Variants in ZFAND3 observed in about 807,000 individuals in gnomAD.
The protein encoded by ZFAND3 is zinc finger AN1-type containing 3, also known as AN1-type zinc finger protein 3.
Under a neutral mutation model 29.6 loss-of-function variants are expected in ZFAND3, and 10 were observed. The observed-to-expected ratio is 0.34, with a 90% CI of 0.21 to 0.57. ZFAND3 has a LOEUF of 0.57. Ranked by LOEUF, ZFAND3 falls within the 20% of genes least tolerant of loss-of-function variation. The pLI, the probability that ZFAND3 is intolerant of heterozygous loss-of-function variation, is 0.86. For missense variants in ZFAND3, 230 were observed against 304.5 expected (o/e 0.76, Z 1.82); for synonymous variants, 128 against 112.6 (o/e 1.14, Z -0.87).
chr6:37,946,823 A>G (rs1248002291), intron 2 of ZFAND3, among the ~76,000 whole-genome samples: 4 of 152,168 alleles, frequency 2.6e-5, no homozygotes, highest in Admixed American at 2.0e-4. Flanking sequence ...TGACGTACCT[A>G]CAGTAGTCAT....
Position 37,955,230 on chromosome 6 carries a change from C to T in ZFAND3, c.112+25231C>T, listed in dbSNP as rs185349239. Among the ~76,000 whole-genome samples the T allele has an allele frequency of 1.7e-3, 258 of 152,110 alleles. 2 individuals are homozygous for T. Among genetic ancestry groups the T allele is most frequent in the Non-Finnish European group, 9.6e-4 (65 of 67,996 alleles). On this transcript the variant is annotated intron_variant, in intron 2 of 5. Coordinates refer to ENST00000287218, the MANE Select transcript of ZFAND3 (RefSeq NM_021943.3). ...TTGAAAACCGTTTGATACATTTTGGCAGTCTATTGGTTGTTTAAGACAGGA... is the reference window on the plus strand; with the variant it reads ...TTGAAAACCGTTTGATACATTTTGGTAGTCTATTGGTTGTTTAAGACAGGA...
intron 1 of ZFAND3, among the ~76,000 whole-genome samples, chr6:37,865,655 G>T (rs1273191032): frequency 6.6e-6 from 1 of 152,178 alleles, no homozygotes; most frequent in East Asian, 1.9e-4. Context: ...TGAACAGTTT[G>T]GGTGGACAAA....
chr6:37,892,416 T>C (rs1476625798), intron 1 of ZFAND3, among the ~76,000 whole-genome samples: 1 of 152,100 alleles, frequency 6.6e-6, no homozygotes, highest in East Asian at 1.9e-4. Flanking sequence ...AGCAACATAG[T>C]GAGATGCTCT....
At chr6:38,117,445 A>T (rs538471583) in intron 5 of ZFAND3, among the ~76,000 whole-genome samples, 37 of 152,230 alleles carry the variant, frequency 2.4e-4, no homozygotes, top group African/African-American at 7.5e-4. Flanking sequence ...CCACAGTGGA[A>T]TGAAACTTAA....
chr6:37,913,479 T>C (rs1343028642), intron 1 of ZFAND3, among the ~76,000 whole-genome samples: 1 of 152,204 alleles, frequency 6.6e-6, no homozygotes, highest in African/African-American at 2.4e-5. Flanking sequence ...ATTCTAGTTC[T>C]CTTGCTGTTT....
chr6:37,904,871 A>G (rs1025489218), intron 1 of ZFAND3, among the ~76,000 whole-genome samples: 5 of 152,132 alleles, frequency 3.3e-5, no homozygotes, highest in African/African-American at 9.7e-5. Context: ...TTATTTAAAA[A>G]CTATTTGGGG....
intron 2 of ZFAND3, among the ~76,000 whole-genome samples, chr6:37,949,124 T>A (rs1761952015): frequency 6.6e-6 from 1 of 152,200 alleles, no homozygotes; most frequent in African/African-American, 2.4e-5. Context: ...CACCAGCATC[T>A]GCTGTTTTTT....
At chr6:38,023,575 C>G (rs1302603478) in intron 2 of ZFAND3, among the ~76,000 whole-genome samples, 1 of 151,988 alleles carries the variant, frequency 6.6e-6, no homozygotes, top group Non-Finnish European at 1.5e-5. Flanking sequence ...TCTAGAATGT[C>G]CTGCCTCTAA....
intron 1 of ZFAND3, among the ~76,000 whole-genome samples, chr6:37,859,257 A>T (rs1439846567): frequency 1.3e-5 from 2 of 152,250 alleles, no homozygotes; most frequent in East Asian, 3.8e-4. Flanking sequence ...TTAGCTGAAC[A>T]GAGAAAATTT....
intron 1 of ZFAND3, among the ~76,000 whole-genome samples, chr6:37,889,989 T>C (rs1765063715): frequency 6.6e-6 from 1 of 152,178 alleles, no homozygotes; most frequent in South Asian, 2.1e-4. Context: ...TGACATTTCA[T>C]TTGAGCAACT....
chr6:37,951,989 A>T (rs1222996197), intron 2 of ZFAND3, among the ~76,000 whole-genome samples: 1 of 152,158 alleles, frequency 6.6e-6, no homozygotes, highest in South Asian at 2.1e-4. Context: ...AGTTCTGTTA[A>T]TGTGATAAAT....
chr6:38,057,444 C>T (rs762596606), intron 2 of ZFAND3, among the ~76,000 whole-genome samples: 2 of 152,090 alleles, frequency 1.3e-5, no homozygotes, highest in Non-Finnish European at 1.5e-5. Context: ...TACTTAGTGC[C>T]CCTTTCTTTA....
intron 1 of ZFAND3, among the ~76,000 whole-genome samples, chr6:37,855,917 C>T (rs1242472355): frequency 2.0e-5 from 3 of 152,014 alleles, no homozygotes; most frequent in Non-Finnish European, 2.9e-5. Flanking sequence ...TGAATGCTGA[C>T]GTTGCATACA....
chr6:37,847,663 C>T (rs953287123), intron 1 of ZFAND3, among the ~76,000 whole-genome samples: 3 of 152,008 alleles, frequency 2.0e-5, no homozygotes, highest in African/African-American at 7.3e-5. Context: ...TAATTGGTAC[C>T]ATTCTAGATA....
chr6:37,896,562 C>CTTTCTTTCTTTTCT (rs1554153806), intron 1 of ZFAND3, among the ~76,000 whole-genome samples: 6 of 135,340 alleles, frequency 4.4e-5, no homozygotes, highest in African/African-American at 1.7e-4. Context: ...TTCTTTCTTT[C>CTTTCTTTCTTTTCT]TTTCTTTCTC....
chr6:37,863,736 G>A (rs1764536049), intron 1 of ZFAND3, among the ~76,000 whole-genome samples: 1 of 152,024 alleles, frequency 6.6e-6, no homozygotes, highest in Admixed American at 6.6e-5. Context: ...ATCTGTTCTG[G>A]GAGACAAACC....
intron 1 of ZFAND3, among the ~76,000 whole-genome samples, chr6:37,823,335 G>T (rs1159274204): frequency 6.6e-6 from 1 of 152,204 alleles, no homozygotes; most frequent in African/African-American, 2.4e-5. Context: ...CTCCTTGGAA[G>T]CTCTAGGTCT....
chr6:38,120,251 G>T (rs1220737927), intron 5 of ZFAND3, among the ~76,000 whole-genome samples: 2 of 148,892 alleles, frequency 1.3e-5, no homozygotes, highest in Admixed American at 1.3e-4. Context: ...TCAAATCTGG[G>T]CCACGTCACA....
chr6:38,017,605 A>G (rs753702181), intron 2 of ZFAND3, among the ~76,000 whole-genome samples: 11 of 152,110 alleles, frequency 7.2e-5, no homozygotes, highest in Non-Finnish European at 1.6e-4. Flanking sequence ...GGGAATATAC[A>G]TTTTTAGAAT....
Sources: allele counts gnomAD v4.1 joint callset (sites outside exome capture counted in the v4.1 genomes callset), GRCh38; gene constraint gnomAD v4.1.1; transcripts MANE v1.5; gene names NCBI Gene and HGNC (gene_info 2026-07-23, HGNC 2026-07-21).